Variants in CYGB observed in about 807,000 individuals in gnomAD.
The protein encoded by CYGB is histoglobin.
In CYGB, 13 loss-of-function variants were observed where a neutral mutation model predicts 20.7. That is an observed-to-expected ratio of 0.63 (90% CI 0.41 to 1.00). The LOEUF (loss-of-function observed/expected upper bound fraction) is 1.00, where lower values mean the gene tolerates loss of function less well. Among genes scored for constraint, CYGB ranks in the 50% least tolerant of loss-of-function variants. The pLI, the probability that CYGB is intolerant of heterozygous loss-of-function variation, is 0.00. For missense variants in CYGB, 218 were observed against 257.2 expected, an observed-to-expected ratio of 0.85 and a Z score of 1.04; for synonymous variants, 93 against 107.4, an observed-to-expected ratio of 0.87 and a Z score of 0.83.
upstream of CYGB, chr17:76,542,556 GA>G: frequency 6.2e-7 from 1 of 1,614,210 alleles, no homozygotes; most frequent in Non-Finnish European, 8.5e-7. Flanking sequence ...TGTTTAGGGA[GA>G]AAGAACCTCT....
At position 76,528,455 on chromosome 17, in the gene CYGB, G is replaced by T; in HGVS notation, c.*123C>A. On this transcript the variant is annotated 3_prime_UTR_variant, in exon 4 of 4. Transcript: ENST00000293230. This position sits in a 1 kb window ranked among gnomAD's most constrained non-coding sequence, Gnocchi z 5.8. ...CTGGCCGCCACAGAGGCCTCCTTCG[G>T]GGAAGTTGAGTCAGGGATTCCTCCA... is the stretch of plus-strand genomic sequence containing the variant. The T allele has an allele frequency of 1.0e-6, 1 of 957,266 alleles. No individual in the cohort carries two copies. The highest frequency in any genetic ancestry group is 1.4e-6 in the Non-Finnish European group (1 of 718,018). 59.3% of individuals were successfully genotyped at this position (957,266 alleles called of 1,614,324 possible).
At chr17:76,545,950 G>T (rs1398601673) in intron 1 of CYGB, 1 of 157,974 alleles carries the variant, frequency 6.3e-6, no homozygotes, top group African/African-American at 2.4e-5. Flanking sequence ...GGGTGGCATT[G>T]CTGGGGTGGG....
At chr17:76,549,580 TC>T in intron 1 of CYGB, among the ~76,000 whole-genome samples, 1 of 152,230 alleles carries the variant, frequency 6.6e-6, no homozygotes, top group South Asian at 2.1e-4. Flanking sequence ...TATAAAGTTA[TC>T]CCAGAGGAAT....
At position 76,531,219 on chromosome 17, in the gene CYGB, C is replaced by T. The variant is rs979947784; in HGVS notation, c.376-77G>A. 4.1e-5 allele frequency: 60 copies of T among 1,459,756 alleles called. No individual in the cohort carries two copies. Among genetic ancestry groups the T allele is most frequent in the East Asian group, 1.4e-4 (6 of 43,168 alleles). 90.4% of individuals were successfully genotyped at this position (1,459,756 alleles called of 1,614,324 possible). A position where few individuals can be genotyped will look rare whatever the true frequency, so the allele number is the denominator to read the frequency against. On this transcript the variant is annotated intron_variant, in intron 2 of 3. Transcript: ENST00000293230. This position sits in a 1 kb window ranked among gnomAD's most constrained non-coding sequence, Gnocchi z 7.4. ...GCAACCCCCAGGCCCCTCCGCCCCA[C>T]GTGTGGCCGAGAGGATCATTCCTAA...
Position 76,528,948 on chromosome 17 carries a change from C to T in CYGB, c.540-337G>A, listed in dbSNP as rs549957647. 3.1e-5 allele frequency: 34 copies of T among 1,091,134 alleles called. No homozygotes were observed. The African/African-American group carries it at 3.3e-4, about 11-fold the overall frequency. The allele number at this position is 1,091,134 out of a possible 1,614,324, so 67.6% of individuals were successfully genotyped here. On this transcript the variant is annotated intron_variant, in intron 3 of 3. Transcript: ENST00000293230. The surrounding 1 kb of genome is among the most constrained non-coding windows in gnomAD (Gnocchi z 5.8). ...AGCTCTTTTTCCATTAATTCTGAAA[C>T]GTGGCGCATTCTGTCCGGCCTGTCT... is the stretch of plus-strand genomic sequence containing the variant.
At position 76,537,572 on chromosome 17, in the gene CYGB, T is replaced by TCGGCGG. The variant is rs758675323; in HGVS notation, c.-36_-31dup. ...AGCTCCAAGCCCAGCCCGGCTTTGC[T>TCGGCGG]CGGCGGCGGCGGTGGCGGGGCGCGG... On this transcript the variant is annotated 5_prime_UTR_variant, in exon 1 of 4. Transcript: ENST00000293230. 8 of 1,292,530 alleles carry TCGGCGG rather than the reference T, an allele frequency of 6.2e-6. No homozygotes were observed. Among genetic ancestry groups the TCGGCGG allele is most frequent in the South Asian group, 5.0e-5 (2 of 40,314 alleles). The allele number at this position is 1,292,530 out of a possible 1,614,324, so 80.1% of individuals were successfully genotyped here.
At chr17:76,538,506 A>G, upstream of CYGB, 2 of 466,952 alleles carry the variant, frequency 4.3e-6, no homozygotes, top group Non-Finnish European at 4.4e-6. Flanking sequence ...TGACACGGAC[A>G]GGCAAGAACC....
At chr17:76,543,749 T>G in intron 1 of CYGB, 1 of 469,732 alleles carries the variant, frequency 2.1e-6, no homozygotes, top group South Asian at 1.6e-5. Context: ...TCCGAGGTGC[T>G]GGTGTCGGTT....
chr17:76,542,756 G>A (rs1185662779), intron 1 of CYGB: 1 of 705,668 alleles, frequency 1.4e-6, no homozygotes, highest in Non-Finnish European at 2.6e-6. Context: ...CACTGATGGA[G>A]GTTCAAAGTA....
rs559175222 is a variant in CYGB, at chr17:76,544,297, C to A, written c.-53+6565G>T. ...CTGGCCCGTGCCCTTGACTTCCAGG[C>A]AGTAGAAGATGGAGTTCTCTAGACA... On this transcript the variant is annotated intron_variant, in intron 1 of 3. Transcript: ENST00000589145. 3 of 454,352 alleles carry A rather than the reference C, an allele frequency of 6.6e-6. 1 individual carries two copies. The highest frequency in any genetic ancestry group is 6.0e-5 in the African/African-American group (3 of 49,998). 28.1% of individuals were successfully genotyped at this position (454,352 alleles called of 1,614,324 possible). A position where few individuals can be genotyped will look rare whatever the true frequency, so the allele number is the denominator to read the frequency against.
Position 76,533,347 on chromosome 17 carries a change from A to G in CYGB, c.144-1656T>C, listed in dbSNP as rs1598204614. The stretch of plus-strand genomic sequence containing the variant: ...AATACATTGAATTTTCTGGAGAAGC[A>G]CTGTAATGAGGGACAAATGTGAAAA... On this transcript the variant is annotated intron_variant, in intron 1 of 3. Coordinates refer to ENST00000293230, the MANE Select transcript of CYGB (RefSeq NM_134268.5). This position sits in a 1 kb window ranked among gnomAD's most constrained non-coding sequence, Gnocchi z 4.5. 1.3e-5 allele frequency among the ~76,000 whole-genome samples: 2 copies of G among 152,224 alleles called. No homozygotes were observed. The highest frequency in any genetic ancestry group is 2.9e-5 in the Non-Finnish European group (2 of 68,032).
rs1434219470 is a variant in CYGB, at chr17:76,530,601, G to C, written c.539+378C>G. ...GCCCCTTGTGATTGGCACCCAGGGA[G>C]GAAGTGGCTGGGCTGACCTGGGCTG... On this transcript the variant is annotated intron_variant, in intron 3 of 3. Coordinates refer to ENST00000293230, the MANE Select transcript of CYGB (RefSeq NM_134268.5). The surrounding 1 kb of genome is among the most constrained non-coding windows in gnomAD (Gnocchi z 6.1). Among the ~76,000 whole-genome samples, 1 of 152,144 alleles carries C rather than the reference G, an allele frequency of 6.6e-6. No individual in the cohort carries two copies. Among genetic ancestry groups the C allele is most frequent in the African/African-American group, 2.4e-5 (1 of 41,400 alleles).
intron 1 of CYGB, among the ~76,000 whole-genome samples, chr17:76,535,586 G>T (rs769024142): frequency 6.6e-5 from 10 of 152,178 alleles, no homozygotes; most frequent in Non-Finnish European, 1.5e-4. Context: ...TCAGAGTGGT[G>T]AGGGGTTACT....
Position 76,528,524 on chromosome 17 carries a change from G to T in CYGB, c.*54C>A. ...AATGGAGCGTCAAGGAGGGTCTTCA[G>T]AACTCGGCCTTCTGCTCGAGGTGCT... On this transcript the variant is annotated 3_prime_UTR_variant, in exon 4 of 4. Coordinates refer to ENST00000293230, the MANE Select transcript of CYGB (RefSeq NM_134268.5). The surrounding 1 kb of genome is among the most constrained non-coding windows in gnomAD (Gnocchi z 5.8). 1 of 1,266,820 alleles carries T rather than the reference G, an allele frequency of 7.9e-7. No individual in the cohort carries two copies. The highest frequency in any genetic ancestry group is 1.0e-6 in the Non-Finnish European group (1 of 990,462). 78.5% of individuals were successfully genotyped at this position (1,266,820 alleles called of 1,614,324 possible).
intron 1 of CYGB, among the ~76,000 whole-genome samples, chr17:76,534,146 TTCTCTCTCTCTCTCTC>T (rs71158013): frequency 7.8e-6 from 1 of 128,902 alleles, no homozygotes; most frequent in Non-Finnish European, 1.7e-5. Flanking sequence ...CTCTTTCTCT[TTCTCTCTCTCTCTCTC>T]TCTCTCTCTC....
At chr17:76,540,095 G>A (rs1199129887), upstream of CYGB, 1 of 1,569,324 alleles carries the variant, frequency 6.4e-7, no homozygotes, top group South Asian at 1.2e-5. This position sits in a 1 kb window ranked among gnomAD's most constrained non-coding sequence, Gnocchi z 5.0. Flanking sequence ...CCCCTCGCCT[G>A]TGGCCTTCTG....
chr17:76,539,945 C>T, upstream of CYGB: 1 of 615,744 alleles, frequency 1.6e-6, no homozygotes, highest in Non-Finnish European at 2.9e-6. Context: ...AGGGGAGAAC[C>T]TGGGCCCAGT....
intron 1 of CYGB, chr17:76,544,435 C>T (rs1285262239): frequency 6.6e-6 from 3 of 454,902 alleles, no homozygotes; most frequent in Non-Finnish European, 1.3e-5. Context: ...AGGAGGTGCA[C>T]CCCGCTGGGG....
intron 1 of CYGB, among the ~76,000 whole-genome samples, chr17:76,532,370 G>C (rs771277810): frequency 1.2e-4 from 18 of 152,126 alleles, no homozygotes; most frequent in Non-Finnish European, 2.5e-4. Context: ...ACCTGGAGCA[G>C]GCTGGCCCAG....
Sources: allele counts gnomAD v4.1 joint callset (sites outside exome capture counted in the v4.1 genomes callset), GRCh38; gene constraint gnomAD v4.1.1; non-coding constraint Gnocchi (gnomAD v3.1); transcripts MANE v1.5; gene names NCBI Gene and HGNC (gene_info 2026-07-23, HGNC 2026-07-21).